The following ARL10 variants were observed in gnomAD, a reference collection of about 807,000 sequenced individuals.
The protein encoded by ARL10 is ADP-ribosylation factor-like protein 10.
Under a neutral mutation model 26.1 loss-of-function variants are expected in ARL10, and 23 were observed. The ratio of observed to expected loss-of-function variants is 0.88; its 90% CI spans 0.63 to 1.25. ARL10 has a LOEUF of 1.25. Ranked by LOEUF, ARL10 falls within the 50% of genes most tolerant of loss-of-function variation. The pLI is 0.00. For synonymous variants in ARL10, 138 were observed against 149.1 expected (o/e 0.93, Z 0.54); for missense variants, 300 against 323.6 (o/e 0.93, Z 0.56).
At chr5:176,388,513 C>T (rs1756079684) in exon 2 of ARL10, 1 of 1,613,544 alleles carries the variant, frequency 6.2e-7, no homozygotes, top group Middle Eastern at 1.7e-4. Context: ...ACTTCTGCCT[C>T]CGGGTTTTGC....
chr5:176,382,193 C>T (rs951414860), downstream of ARL10, among the ~76,000 whole-genome samples: 1 of 152,194 alleles, frequency 6.6e-6, no homozygotes, highest in Non-Finnish European at 1.5e-5. Context: ...CTCTGTGGTG[C>T]CCTTACCCAG....
chr5:176,388,396 C>T (rs1360008934), exon 2 of ARL10: 2 of 1,613,022 alleles, frequency 1.2e-6, no homozygotes, highest in Admixed American at 3.3e-5. Flanking sequence ...CCGTCCCGGC[C>T]GAGGCCCACG....
At chr5:176,383,374 G>C (rs991806682), downstream of ARL10, among the ~76,000 whole-genome samples, 13 of 152,208 alleles carry the variant, frequency 8.5e-5, no homozygotes, top group Admixed American at 7.2e-4. Flanking sequence ...TCCATACCCT[G>C]CTTGTGATCC....
chr5:176,396,408 G>A (rs1179202140), intron 1 of ARL10: 4 of 1,328,342 alleles, frequency 3.0e-6, no homozygotes, highest in African/African-American at 2.9e-5. Context: ...CCCACAAGCA[G>A]GAAACTCAAG....
rs1768551500 is a variant in ARL10 at position 176,371,670 on chromosome 5, A to G, written c.562-52A>G. The G allele has an allele frequency of 2.7e-6, 4 of 1,502,026 alleles. No homozygotes were observed. The Admixed American group carries it at 6.8e-5, about 25-fold the overall frequency. The allele number at this position is 1,502,026 out of a possible 1,614,324, so 93.0% of individuals were successfully genotyped here. A position where few individuals can be genotyped will look rare whatever the true frequency, so the allele number is the denominator to read the frequency against. On this transcript the variant is annotated intron_variant, in intron 3 of 3. Transcript: ENST00000310389. ...GTGTTTCATGAACGACAAGGGTGTCAGTGTGTTAGGAAATGCTGCCAGCTG... is the reference window on the plus strand; with the variant it reads ...GTGTTTCATGAACGACAAGGGTGTCGGTGTGTTAGGAAATGCTGCCAGCTG...
chr5:176,373,671 C>T lies in ARL10; in HGVS notation c.*1776C>T, dbSNP rs1436865722. On this transcript the variant is annotated 3_prime_UTR_variant, in exon 4 of 4. Transcript: ENST00000310389. ...CCCTTGGGCGCCATTTGAAGAATCA[C>T]TGTTCTTGAAAGTGCTGGTTCACTT... The T allele has an allele frequency of 6.6e-6, 1 of 152,190 alleles. No individual in the cohort carries two copies. The highest frequency in any genetic ancestry group is 1.9e-4 in the East Asian group (1 of 5,192). 9.4% of individuals were successfully genotyped at this position (152,190 alleles called of 1,614,324 possible). A position where few individuals can be genotyped will look rare whatever the true frequency, so the allele number is the denominator to read the frequency against.
At chr5:176,389,179 CTG>C (rs546070438), downstream of ARL10, 2,736 of 1,081,830 alleles carry the variant, frequency 2.5e-3, 8 homozygotes, top group Non-Finnish European at 3.2e-3. Flanking sequence ...TGGGAGGACT[CTG>C]TAACTAGGAA....
chr5:176,382,285 T>C (rs982481093), downstream of ARL10, among the ~76,000 whole-genome samples: 1 of 152,178 alleles, frequency 6.6e-6, no homozygotes, highest in Non-Finnish European at 1.5e-5. Flanking sequence ...GAGCTGCTCA[T>C]CTCAGAACGA....
Position 176,372,815 on chromosome 5 carries a change from A to G in ARL10, c.*920A>G. On this transcript the variant is annotated 3_prime_UTR_variant, in exon 4 of 4. Coordinates refer to ENST00000310389, the MANE Select transcript of ARL10 (RefSeq NM_173664.6). ...GCATTTTATTTATTAATTTATAAGC[A>G]GAACAGGCCAGAGTTCTAGGCTCTG... The G allele has an allele frequency of 2.5e-6, 1 of 398,570 alleles. No individual in the cohort carries two copies. The highest frequency in any genetic ancestry group is 4.4e-6 in the Non-Finnish European group (1 of 226,028). 24.7% of individuals were successfully genotyped at this position (398,570 alleles called of 1,614,324 possible). A position where few individuals can be genotyped will look rare whatever the true frequency, so the allele number is the denominator to read the frequency against.
At chr5:176,400,747 G>A (rs376428123) in intron 1 of ARL10, among the ~76,000 whole-genome samples, 1 of 152,106 alleles carries the variant, frequency 6.6e-6, no homozygotes, top group African/African-American at 2.4e-5. Flanking sequence ...GACTGCCCGC[G>A]TTGTTTGACA....
intron 1 of ARL10, chr5:176,401,681 G>A (rs1186912126): frequency 4.4e-6 from 2 of 455,244 alleles, no homozygotes; most frequent in East Asian, 7.0e-5. Context: ...TCACTCGCTC[G>A]CCTTGTGTTG....
At position 176,379,388 on chromosome 5, in the gene ARL10, C is replaced by T. The variant is rs1223765847; in HGVS notation, c.*7493C>T. The T allele has an allele frequency of 6.6e-6, 1 of 152,030 alleles. No individual in the cohort carries two copies. Among genetic ancestry groups the T allele is most frequent in the African/African-American group, 2.4e-5 (1 of 41,384 alleles). The allele number at this position is 152,030 out of a possible 1,614,324, so 9.4% of individuals were successfully genotyped here. A position where few individuals can be genotyped will look rare whatever the true frequency, so the allele number is the denominator to read the frequency against. On this transcript the variant is annotated 3_prime_UTR_variant, in exon 4 of 4. Transcript: ENST00000310389. ...TCACCGTGTTCGTCAGGGCTGGTCT[C>T]GATCTCCTGACCTCAGGTGATCCAC...
At chr5:176,393,452 A>C (rs1163133892), downstream of ARL10, among the ~76,000 whole-genome samples, 1 of 152,212 alleles carries the variant, frequency 6.6e-6, no homozygotes, top group Non-Finnish European at 1.5e-5. The surrounding 1 kb of genome is among the most constrained non-coding windows in gnomAD (Gnocchi z 4.4). Context: ...CTGTGTGAGG[A>C]TTCTCCAGAA....
chr5:176,390,897 A>C (rs916721878), downstream of ARL10, among the ~76,000 whole-genome samples: 1 of 152,186 alleles, frequency 6.6e-6, no homozygotes. Context: ...GGACCTGAGC[A>C]CACTCTAGAA....
downstream of ARL10, among the ~76,000 whole-genome samples, chr5:176,405,043 AG>A (rs1757035437): frequency 2.0e-5 from 3 of 152,338 alleles, no homozygotes; most frequent in South Asian, 6.2e-4. Context: ...GGGAGTTGGG[AG>A]GACTCAGGGA....
chr5:176,395,134 A>C (rs1345943896), intron 1 of ARL10, among the ~76,000 whole-genome samples: 1 of 148,452 alleles, frequency 6.7e-6, no homozygotes, highest in African/African-American at 2.5e-5. Context: ...GTAGAGCTTC[A>C]GCCACTGCAG....
chr5:176,371,987 A>C lies in ARL10; in HGVS notation c.*92A>C. ...AGACTGGGCCTGGGGCAAGAGCCACATGGCAGCATTTCCCTTTTCCCCTCC... is the reference window on the plus strand; with the variant it reads ...AGACTGGGCCTGGGGCAAGAGCCACCTGGCAGCATTTCCCTTTTCCCCTCC... On this transcript the variant is annotated 3_prime_UTR_variant, in exon 4 of 4. Coordinates refer to ENST00000310389, the MANE Select transcript of ARL10 (RefSeq NM_173664.6). 1 of 1,503,716 alleles carries C rather than the reference A, an allele frequency of 6.7e-7. No homozygotes were observed. The highest frequency in any genetic ancestry group is 8.9e-7 in the Non-Finnish European group (1 of 1,123,970). The allele number at this position is 1,503,716 out of a possible 1,614,324, so 93.1% of individuals were successfully genotyped here.
chr5:176,397,809 C>T, intron 1 of ARL10: 1 of 1,498,604 alleles, frequency 6.7e-7, no homozygotes. Flanking sequence ...CAGGCAGCCA[C>T]AGGGCCGCAC....
chr5:176,413,171 C>T, the ARL10 span, among the ~76,000 whole-genome samples: 53 of 152,300 alleles, frequency 3.5e-4, no homozygotes, highest in Admixed American at 3.0e-3. Context: ...CATCTACCAC[C>T]GGGAGTCCAC....
Sources: gnomAD v4.1 joint callset for allele counts (sites outside exome capture counted in the v4.1 genomes callset) on GRCh38, gnomAD v4.1.1 for gene constraint, Gnocchi (gnomAD v3.1) non-coding constraint, MANE v1.5 for transcripts, NCBI Gene and HGNC (gene_info 2026-07-23, HGNC 2026-07-21) for gene names.